MAML2: variants seen among roughly 807,000 people sequenced by gnomAD.
MAML2 encodes the protein mastermind-like protein 2.
Under a neutral mutation model 96.1 loss-of-function variants are expected in MAML2, and 22 were observed. The observed-to-expected ratio is 0.23, with a 90% CI of 0.16 to 0.33. The LOEUF (loss-of-function observed/expected upper bound fraction) is 0.33, where lower values mean the gene tolerates loss of function less well. Ranked by LOEUF, MAML2 falls within the 10% of genes least tolerant of loss-of-function variation. The pLI is 1.00. For synonymous variants in MAML2, 561 were observed against 521.3 expected (o/e 1.08, Z -1.04); for missense variants, 1,367 against 1,392.4 (o/e 0.98, Z 0.29).
rs77689580 is a variant in MAML2 at position 96,214,200 on chromosome 11, T to A, written c.514-120683A>T. ...CAGTTGAATAATAAAAAATGAATAC[T>A]TCCTTAGAACTAGGATATAGCTAAT... On this transcript the variant is annotated intron_variant, in intron 1 of 4. Transcript: ENST00000524717. Among the ~76,000 whole-genome samples, 841 of 152,356 alleles carry A rather than the reference T, an allele frequency of 5.5e-3. 9 individuals are homozygous for A. The highest frequency in any genetic ancestry group is 0.019 in the African/African-American group (800 of 41,576).
intron 2 of MAML2, among the ~76,000 whole-genome samples, chr11:96,061,133 T>G (rs2135778653): frequency 6.6e-6 from 1 of 152,388 alleles, no homozygotes; most frequent in South Asian, 2.1e-4. Flanking sequence ...GTTTGTTCTA[T>G]GATTTCTCCT....
chr11:96,206,846 G>A (rs1235047258), intron 1 of MAML2, among the ~76,000 whole-genome samples: 1 of 152,090 alleles, frequency 6.6e-6, no homozygotes, highest in Non-Finnish European at 1.5e-5. Flanking sequence ...TGGAAAAATA[G>A]AGGTATGAAA....
intron 2 of MAML2, among the ~76,000 whole-genome samples, chr11:96,009,273 A>T (rs1222520720): frequency 6.6e-6 from 1 of 152,162 alleles, no homozygotes; most frequent in Non-Finnish European, 1.5e-5. Context: ...TTAAATCTAA[A>T]TATTTTCTCA....
chr11:96,083,707 A>G (rs1052743916), intron 2 of MAML2, among the ~76,000 whole-genome samples: 1 of 152,204 alleles, frequency 6.6e-6, no homozygotes, highest in Non-Finnish European at 1.5e-5. Context: ...ATTTGTCCAC[A>G]TGTTCAACAA....
At chr11:96,147,503 C>T (rs999080490) in intron 1 of MAML2, among the ~76,000 whole-genome samples, 3 of 152,076 alleles carry the variant, frequency 2.0e-5, no homozygotes, top group Non-Finnish European at 2.9e-5. Context: ...TTTTTTAAAT[C>T]GTAGATCTGA....
intron 2 of MAML2, among the ~76,000 whole-genome samples, chr11:96,050,012 T>C (rs984055702): frequency 6.6e-6 from 1 of 152,324 alleles, no homozygotes; most frequent in Admixed American, 6.5e-5. Flanking sequence ...TTCCGAACAG[T>C]AAAGCTACCA....
At chr11:95,983,168 G>A (rs962289415) in intron 4 of MAML2, among the ~76,000 whole-genome samples, 1 of 152,158 alleles carries the variant, frequency 6.6e-6, no homozygotes, top group African/African-American at 2.4e-5. Flanking sequence ...ACACCTTCCA[G>A]TGGGTCAAGA....
chr11:96,070,222 A>G (rs1664855584), intron 2 of MAML2, among the ~76,000 whole-genome samples: 3 of 151,958 alleles, frequency 2.0e-5, no homozygotes, highest in African/African-American at 7.2e-5. Flanking sequence ...CCCGGAAGGC[A>G]GAGCTTGCAG....
intron 1 of MAML2, among the ~76,000 whole-genome samples, chr11:96,123,539 G>A (rs1040568753): frequency 2.0e-5 from 3 of 152,144 alleles, no homozygotes; most frequent in African/African-American, 4.8e-5. Context: ...ACTAGGCTAC[G>A]GTGCTTCCGT....
chr11:96,080,199 C>T (rs1192446261), intron 2 of MAML2, among the ~76,000 whole-genome samples: 1 of 152,098 alleles, frequency 6.6e-6, no homozygotes, highest in Non-Finnish European at 1.5e-5. Context: ...GAAAATAGAA[C>T]TAAAATCTTC....
chr11:96,023,879 G>C (rs1251406838), intron 2 of MAML2, among the ~76,000 whole-genome samples: 1 of 152,198 alleles, frequency 6.6e-6, no homozygotes, highest in Non-Finnish European at 1.5e-5. Flanking sequence ...TCTATCAAGA[G>C]GTAGTGAACA....
In MAML2 at chr11:96,341,902, G is replaced by A. The variant is rs543041391; in HGVS notation, c.-7C>T. The A allele has an allele frequency of 1.3e-6, 2 of 1,507,724 alleles. No individual in the cohort carries two copies. The highest frequency in any genetic ancestry group is 2.8e-5 in the African/African-American group (2 of 72,120). 93.4% of individuals were successfully genotyped at this position (1,507,724 alleles called of 1,614,324 possible). ...GGGGCGCTGTGTCCCCCATCTTACC[G>A]GACACAATGATTGCTGCCTCTGGGA... On this transcript the variant is annotated 5_prime_UTR_variant, in exon 1 of 5. Coordinates refer to ENST00000524717, the MANE Select transcript of MAML2 (RefSeq NM_032427.4).
At chr11:96,101,747 C>G (rs994721365) in intron 1 of MAML2, among the ~76,000 whole-genome samples, 1 of 151,604 alleles carries the variant, frequency 6.6e-6, no homozygotes, top group Non-Finnish European at 1.5e-5. Context: ...TGGTCTGACA[C>G]TTCCCACTGT....
chr11:96,156,220 C>T (rs1365170650), intron 1 of MAML2, among the ~76,000 whole-genome samples: 4 of 152,198 alleles, frequency 2.6e-5, no homozygotes, highest in African/African-American at 9.7e-5. Flanking sequence ...TCATCTTCTC[C>T]TCAACCCCCT....
Position 96,231,456 on chromosome 11 carries a change from A to G in MAML2, c.513+109927T>C, listed in dbSNP as rs537522889. Among the ~76,000 whole-genome samples, 70 of 152,316 alleles carry G rather than the reference A, an allele frequency of 4.6e-4. No homozygotes were observed. In the South Asian group the frequency reaches 5.0e-3, roughly 11 times the overall value. ...TTATACTGGAGCTGGGAGATAATCA[A>G]TCACGTAATATTTAGTGGTACCTAC... On this transcript the variant is annotated intron_variant, in intron 1 of 4. Coordinates refer to ENST00000524717, the MANE Select transcript of MAML2 (RefSeq NM_032427.4).
rs575724449 is a variant in MAML2 at position 96,028,431 on chromosome 11, C to T, written c.2140-36708G>A. 3.2e-4 allele frequency among the ~76,000 whole-genome samples: 49 copies of T among 152,254 alleles called. No homozygotes were observed. The East Asian group carries it at 9.1e-3, about 28-fold the overall frequency. Reference sequence around the variant, plus strand: ...CGACCCCAAGATTAATTTAAGTGTCCCCTAATATTGTCCTCTAAATCCCTC... The same window carrying T: ...CGACCCCAAGATTAATTTAAGTGTCTCCTAATATTGTCCTCTAAATCCCTC... On this transcript the variant is annotated intron_variant, in intron 2 of 4. Coordinates refer to ENST00000524717, the MANE Select transcript of MAML2 (RefSeq NM_032427.4).
chr11:95,990,009 C>T (rs907404534), intron 3 of MAML2, among the ~76,000 whole-genome samples: 2 of 152,176 alleles, frequency 1.3e-5, no homozygotes, highest in Non-Finnish European at 2.9e-5. Context: ...CCTCCACCTA[C>T]AATAGTGGAC....
intron 1 of MAML2, among the ~76,000 whole-genome samples, chr11:96,179,226 C>T (rs1367942590): frequency 6.6e-6 from 1 of 152,194 alleles, no homozygotes; most frequent in Non-Finnish European, 1.5e-5. Flanking sequence ...GATATGCCAA[C>T]TGTTATCCTT....
At chr11:96,161,897 G>A (rs1223089106) in intron 1 of MAML2, among the ~76,000 whole-genome samples, 1 of 152,178 alleles carries the variant, frequency 6.6e-6, no homozygotes, top group Non-Finnish European at 1.5e-5. Context: ...TGCAGCGGAG[G>A]AAAGCTGGAT....
Sources: gnomAD v4.1 joint callset for allele counts (sites outside exome capture counted in the v4.1 genomes callset) on GRCh38, gnomAD v4.1.1 for gene constraint, MANE v1.5 for transcripts, NCBI Gene and HGNC (gene_info 2026-07-23, HGNC 2026-07-21) for gene names.